The following SOX5 variants were observed in gnomAD, a reference collection of about 807,000 sequenced individuals.
SOX5 encodes the protein transcription factor SOX-5.
In SOX5, 9 loss-of-function variants were observed where a neutral mutation model predicts 92.0. The ratio of observed to expected loss-of-function variants is 0.10; its 90% CI spans 0.06 to 0.17. The LOEUF is 0.17. Ranked by LOEUF, SOX5 falls within the 10% of genes least tolerant of loss-of-function variation. The pLI, the probability that SOX5 is intolerant of heterozygous loss-of-function variation, is 1.00. For missense variants in SOX5, 642 were observed against 944.5 expected, an observed-to-expected ratio of 0.68 and a Z score of 4.20; for synonymous variants, 344 against 336.3, an observed-to-expected ratio of 1.02 and a Z score of -0.25.
intron 4 of SOX5, among the ~76,000 whole-genome samples, chr12:24,137,091 A>G (rs1950172861): frequency 6.6e-6 from 1 of 152,220 alleles, no homozygotes; most frequent in Non-Finnish European, 1.5e-5. Flanking sequence ...TCACATGTTC[A>G]TGATCCAGTT....
At chr12:23,724,318 A>G (rs1190727222) in intron 6 of SOX5, among the ~76,000 whole-genome samples, 2 of 152,100 alleles carry the variant, frequency 1.3e-5, no homozygotes, top group Non-Finnish European at 2.9e-5. Context: ...CAGTTCTATC[A>G]TCTATAAAAT....
intron 1 of SOX5, among the ~76,000 whole-genome samples, chr12:23,923,680 T>G (rs1296454732): frequency 2.0e-5 from 3 of 152,194 alleles, no homozygotes; most frequent in Admixed American, 6.5e-5. Flanking sequence ...CAGCCAATTT[T>G]GGGGTTTAGG....
chr12:24,518,204 G>A (rs1949967725), intron 1 of SOX5, among the ~76,000 whole-genome samples: 1 of 151,852 alleles, frequency 6.6e-6, no homozygotes, highest in South Asian at 2.1e-4. Flanking sequence ...GAGTAGCTGG[G>A]GTTACAGGCA....
At chr12:24,118,713 T>G (rs1948318591) in intron 4 of SOX5, among the ~76,000 whole-genome samples, 1 of 152,144 alleles carries the variant, frequency 6.6e-6, no homozygotes, top group South Asian at 2.1e-4. Context: ...AAAATAGAAT[T>G]TAATTGACCT....
At chr12:23,908,022 C>T (rs1300258794) in intron 1 of SOX5, among the ~76,000 whole-genome samples, 1 of 152,136 alleles carries the variant, frequency 6.6e-6, no homozygotes, top group Non-Finnish European at 1.5e-5. Context: ...CTCTCCCTCC[C>T]ATCTCACATT....
At chr12:24,266,045 TG>T (rs1942969309) in intron 3 of SOX5, among the ~76,000 whole-genome samples, 2 of 58,138 alleles carry the variant, frequency 3.4e-5, no homozygotes, top group Non-Finnish European at 7.3e-5. Flanking sequence ...TGTGTGTGTG[TG>T]TGTGTGTGTG....
intron 1 of SOX5, among the ~76,000 whole-genome samples, chr12:24,552,710 G>A (rs1007369274): frequency 1.6e-4 from 25 of 152,304 alleles, no homozygotes; most frequent in East Asian, 3.9e-4. Context: ...TTTAGAAATC[G>A]CTTTATAGGC....
At chr12:23,869,658 T>C (rs889592108) in intron 2 of SOX5, among the ~76,000 whole-genome samples, 5 of 152,188 alleles carry the variant, frequency 3.3e-5, no homozygotes, top group Admixed American at 6.5e-5. Context: ...AAATCAGTTC[T>C]ATCACTAAGT....
In SOX5 at chr12:24,024,908, T is replaced by C. The variant is rs1470460361; in HGVS notation, c.-1-128884A>G. On this transcript the variant is annotated intron_variant, in intron 4 of 4. Transcript: ENST00000446891. ...ATTCACATCAAACTTCTCTACCCTA[T>C]AGGAATTCCAGAGGTGATTTCTCTG... Among the ~76,000 whole-genome samples the C allele has an allele frequency of 3.3e-5, 5 of 152,128 alleles. No homozygotes were observed. In the South Asian group the frequency reaches 6.2e-4, roughly 19 times the overall value.
intron 4 of SOX5, among the ~76,000 whole-genome samples, chr12:24,125,816 T>C (rs1949054403): frequency 6.6e-6 from 1 of 152,204 alleles, no homozygotes. Context: ...CTTTTGGGGA[T>C]ATTTTTCTCA....
chr12:24,300,615 C>A (rs1947838374), intron 2 of SOX5, among the ~76,000 whole-genome samples: 1 of 152,180 alleles, frequency 6.6e-6, no homozygotes, highest in South Asian at 2.1e-4. Flanking sequence ...GTTACTCTCT[C>A]CCCACAACTT....
intron 2 of SOX5, among the ~76,000 whole-genome samples, chr12:24,330,024 A>G (rs1438637277): frequency 6.6e-6 from 1 of 152,198 alleles, no homozygotes; most frequent in Non-Finnish European, 1.5e-5. Flanking sequence ...CTCTCTCTCA[A>G]AACAAACAAA....
At chr12:23,739,979 A>G (rs889082827) in intron 5 of SOX5, among the ~76,000 whole-genome samples, 2 of 152,114 alleles carry the variant, frequency 1.3e-5, no homozygotes, top group Non-Finnish European at 2.9e-5. Flanking sequence ...TGGTTAATTG[A>G]GATAGCCTCA....
intron 4 of SOX5, among the ~76,000 whole-genome samples, chr12:24,054,976 T>C (rs1160321316): frequency 6.6e-6 from 1 of 152,202 alleles, no homozygotes; most frequent in East Asian, 1.9e-4. Flanking sequence ...GGAGAGATTT[T>C]TTCCTGTACA....
At chr12:23,985,418 A>G (rs1949975449) in intron 4 of SOX5, among the ~76,000 whole-genome samples, 1 of 151,880 alleles carries the variant, frequency 6.6e-6, no homozygotes, top group Non-Finnish European at 1.5e-5. Context: ...CCTGGCCTGT[A>G]TTTTTTAATT....
intron 1 of SOX5, among the ~76,000 whole-genome samples, chr12:23,937,109 T>C (rs1051285244): frequency 2.8e-4 from 42 of 150,980 alleles, no homozygotes; most frequent in Admixed American, 6.0e-4. Context: ...CCTCAACAAA[T>C]CAATAAGCTA....
chr12:24,244,234 T>C (rs1378892982), intron 3 of SOX5, among the ~76,000 whole-genome samples: 1 of 152,134 alleles, frequency 6.6e-6, no homozygotes, highest in African/African-American at 2.4e-5. Flanking sequence ...TTAAACAACA[T>C]CCACGGGCGA....
At chr12:24,461,485 T>G (rs1483684280) in intron 1 of SOX5, among the ~76,000 whole-genome samples, 1 of 152,176 alleles carries the variant, frequency 6.6e-6, no homozygotes, top group Non-Finnish European at 1.5e-5. Context: ...TCTGTTAAAA[T>G]AGCAATACAC....
At chr12:24,365,062 G>C (rs1258996613) in intron 2 of SOX5, among the ~76,000 whole-genome samples, 2 of 152,060 alleles carry the variant, frequency 1.3e-5, no homozygotes, top group Admixed American at 1.3e-4. Context: ...TAAACTTGAG[G>C]AGCAGTAATG....
Sources: allele counts gnomAD v4.1 joint callset (sites outside exome capture counted in the v4.1 genomes callset), GRCh38; gene constraint gnomAD v4.1.1; transcripts MANE v1.5; gene names NCBI Gene and HGNC (gene_info 2026-07-23, HGNC 2026-07-21).